Variants in SASH1 observed in about 807,000 individuals in gnomAD.
The protein encoded by SASH1 is SAM and SH3 domain-containing protein 1.
Under a neutral mutation model 125.2 loss-of-function variants are expected in SASH1, and 44 were observed. That is an observed-to-expected ratio of 0.35 (90% CI 0.28 to 0.45). SASH1 has a LOEUF of 0.45. Ranked by LOEUF, SASH1 falls within the 20% of genes least tolerant of loss-of-function variation. The pLI is 1.00. For missense variants in SASH1, 1,426 were observed against 1,614.5 expected, an observed-to-expected ratio of 0.88 and a Z score of 2.00; for synonymous variants, 639 against 649.1, an observed-to-expected ratio of 0.98 and a Z score of 0.24.
chr6:148,253,599 G>A, the SASH1 span, among the ~76,000 whole-genome samples: 1 of 152,296 alleles, frequency 6.6e-6, no homozygotes, highest in East Asian at 1.9e-4. Context: ...TTGGCCGGGT[G>A]CGGTGGCTGA....
chr6:148,453,537 T>G (rs907907211), intron 4 of SASH1, among the ~76,000 whole-genome samples: 1 of 152,110 alleles, frequency 6.6e-6, no homozygotes. Context: ...CAGAGCTGGA[T>G]TCTGAATCCA....
intron 7 of SASH1, among the ~76,000 whole-genome samples, chr6:148,475,895 TAAC>T (rs1277590611): frequency 6.6e-6 from 1 of 152,160 alleles, no homozygotes. Flanking sequence ...AATAAAAAAT[TAAC>T]AACAATAAAA....
At chr6:148,404,378 G>A (rs1289327812) in intron 2 of SASH1, among the ~76,000 whole-genome samples, 2 of 151,436 alleles carry the variant, frequency 1.3e-5, no homozygotes, top group African/African-American at 4.8e-5. Context: ...GTTTGCTTAT[G>A]TAAACCTATT....
intron 4 of SASH1, among the ~76,000 whole-genome samples, chr6:148,451,825 C>T (rs566071062): frequency 6.6e-6 from 1 of 152,348 alleles, no homozygotes; most frequent in African/African-American, 2.4e-5. Context: ...AAATCCAGGT[C>T]AAGCCACGTC....
At chr6:148,367,831 G>T (rs1012149232) in intron 1 of SASH1, among the ~76,000 whole-genome samples, 3 of 152,234 alleles carry the variant, frequency 2.0e-5, no homozygotes, top group African/African-American at 7.2e-5. Flanking sequence ...CCCCTCGGAG[G>T]CCTCGAGTGC....
the SASH1 span, among the ~76,000 whole-genome samples, chr6:148,221,562 T>C: frequency 2.6e-5 from 4 of 152,206 alleles, no homozygotes; most frequent in Non-Finnish European, 4.4e-5. Context: ...ACGTTTCATT[T>C]TGAAAATGAC....
intron 7 of SASH1, among the ~76,000 whole-genome samples, chr6:148,484,786 C>CA (rs1778772761): frequency 6.6e-6 from 1 of 152,040 alleles, no homozygotes. Context: ...ACAAAAAATA[C>CA]AAAAAAATTA....
At chr6:148,433,177 A>G (rs1371712416) in intron 2 of SASH1, among the ~76,000 whole-genome samples, 2 of 152,124 alleles carry the variant, frequency 1.3e-5, no homozygotes, top group Non-Finnish European at 2.9e-5. Context: ...AATGCATTTG[A>G]GGTTTTTCTC....
At chr6:148,346,112 G>T (rs1781512360) in intron 1 of SASH1, among the ~76,000 whole-genome samples, 2 of 152,146 alleles carry the variant, frequency 1.3e-5, no homozygotes, top group Admixed American at 1.3e-4. Context: ...TACTGTATGT[G>T]GAACTTTGAA....
chr6:148,351,153 G>A (rs894091100), intron 1 of SASH1, among the ~76,000 whole-genome samples: 1 of 148,044 alleles, frequency 6.8e-6, no homozygotes, highest in African/African-American at 2.5e-5. Flanking sequence ...GAAGACAAAC[G>A]CTTGAGAAAG....
At chr6:148,501,313 A>G (rs1779551788) in intron 8 of SASH1, among the ~76,000 whole-genome samples, 1 of 152,072 alleles carries the variant, frequency 6.6e-6, no homozygotes, top group Non-Finnish European at 1.5e-5. Context: ...CTTTGCAAAC[A>G]CCACCCAATC....
intron 17 of SASH1, among the ~76,000 whole-genome samples, chr6:148,540,858 G>A (rs1044531355): frequency 6.6e-6 from 1 of 152,078 alleles, no homozygotes; most frequent in Non-Finnish European, 1.5e-5. Flanking sequence ...GGTCCATAAG[G>A]AAAACAGTTT....
At chr6:148,248,546 C>G in the SASH1 span, among the ~76,000 whole-genome samples, 6 of 152,146 alleles carry the variant, frequency 3.9e-5, no homozygotes, top group Non-Finnish European at 8.8e-5. Flanking sequence ...GAACATTTTT[C>G]TTGTATCTTT....
At chr6:148,346,923 C>T (rs1366397031) in intron 1 of SASH1, among the ~76,000 whole-genome samples, 1 of 152,166 alleles carries the variant, frequency 6.6e-6, no homozygotes, top group Non-Finnish European at 1.5e-5. Flanking sequence ...AAGCATGTCA[C>T]TTCTCCCTGT....
chr6:148,362,131 G>T (rs531440542), intron 1 of SASH1, among the ~76,000 whole-genome samples: 99 of 151,626 alleles, frequency 6.5e-4, no homozygotes, highest in Admixed American at 1.4e-3. Context: ...GTTTCTCCGT[G>T]TTAGCCAGGA....
chr6:148,531,436 T>G (rs533149228), intron 12 of SASH1, 90 bp from the exon 13 acceptor site: 1 of 1,170,846 alleles, frequency 8.5e-7, no homozygotes, highest in South Asian at 2.3e-5. Context: ...TTGATTTGAT[T>G]GATTTCGTTG....
chr6:148,519,231 A>G lies in SASH1; in HGVS notation c.863-316A>G, dbSNP rs577668569. The stretch of plus-strand genomic sequence containing the variant: ...GTTGCATTTACAAACTGCAGAGGGC[A>G]TTATCTCGAAATGCTAAGGCATATT... On this transcript the variant is annotated intron_variant, in intron 9 of 19. Transcript: ENST00000367467. The surrounding 1 kb of genome is among the most constrained non-coding windows in gnomAD (Gnocchi z 4.8). Among the ~76,000 whole-genome samples, 1 of 152,230 alleles carries G rather than the reference A, an allele frequency of 6.6e-6. No individual in the cohort carries two copies. Among genetic ancestry groups the G allele is most frequent in the Non-Finnish European group, 1.5e-5 (1 of 68,046 alleles).
the SASH1 span, among the ~76,000 whole-genome samples, chr6:148,226,264 G>A: frequency 3.3e-5 from 5 of 152,114 alleles, no homozygotes; most frequent in Non-Finnish European, 7.4e-5. Context: ...TTTTATTTTA[G>A]CATAATACCA....
chr6:148,273,853 C>T (rs926994293), intron 1 of SASH1, among the ~76,000 whole-genome samples: 21 of 152,254 alleles, frequency 1.4e-4, no homozygotes, highest in African/African-American at 4.3e-4. Flanking sequence ...CTGGTACTGT[C>T]GGTGCCCAGT....
Sources: allele counts gnomAD v4.1 joint callset (sites outside exome capture counted in the v4.1 genomes callset), GRCh38; gene constraint gnomAD v4.1.1; non-coding constraint Gnocchi (gnomAD v3.1); transcripts MANE v1.5; gene names NCBI Gene and HGNC (gene_info 2026-07-23, HGNC 2026-07-21).